OPCML: variants seen among roughly 807,000 people sequenced by gnomAD.
OPCML encodes the protein opioid-binding protein/cell adhesion molecule.
In OPCML, 13 loss-of-function variants were observed where a neutral mutation model predicts 37.8. That is an observed-to-expected ratio of 0.34 (90% CI 0.22 to 0.55). The LOEUF (loss-of-function observed/expected upper bound fraction) is 0.55. Among genes scored for constraint, OPCML ranks in the 20% least tolerant of loss-of-function variants. The probability of loss-of-function intolerance (pLI) is 0.91; values close to 1 mark genes in which losing one functional copy is unlikely to be tolerated. For missense variants in OPCML, 341 were observed against 435.6 expected, an observed-to-expected ratio of 0.78 and a Z score of 1.93; for synonymous variants, 176 against 168.8, an observed-to-expected ratio of 1.04 and a Z score of -0.33.
rs1319435935 is a variant in OPCML at position 132,459,550 on chromosome 11, TAG to T, written c.506-22193_506-22192del. On this transcript the variant is annotated intron_variant, in intron 4 of 7. Transcript: ENST00000524381. ...ACACACATATACATATATATATAGA[TAG>T]AGAGAGAGAAAGAGAGAGAGAGAGA... 2.0e-5 allele frequency among the ~76,000 whole-genome samples: 3 copies of T among 148,610 alleles called. No individual in the cohort carries two copies. The East Asian group carries it at 5.9e-4, about 29-fold the overall frequency.
intron 2 of OPCML, among the ~76,000 whole-genome samples, chr11:132,722,255 T>TA: frequency 7.9e-6 from 1 of 125,824 alleles, no homozygotes; most frequent in Non-Finnish European, 1.7e-5. Context: ...ACGTCCGGCC[T>TA]ATTTTTTTTT....
At chr11:132,819,825 A>G (rs1370145412) in intron 2 of OPCML, among the ~76,000 whole-genome samples, 1 of 152,164 alleles carries the variant, frequency 6.6e-6, no homozygotes, top group Non-Finnish European at 1.5e-5. Context: ...CAGATAACCA[A>G]CCAAACAGCT....
chr11:132,437,992 T>C (rs1302291136), intron 4 of OPCML, among the ~76,000 whole-genome samples: 2 of 152,224 alleles, frequency 1.3e-5, no homozygotes, highest in Admixed American at 6.5e-5. Flanking sequence ...CCAACACAAA[T>C]GTGATAGCCC....
chr11:133,448,311 G>T (rs1049267628), intron 1 of OPCML, among the ~76,000 whole-genome samples: 1 of 152,080 alleles, frequency 6.6e-6, no homozygotes, highest in Non-Finnish European at 1.5e-5. Flanking sequence ...CCATTAAATT[G>T]CCTTGGTACC....
intron 2 of OPCML, among the ~76,000 whole-genome samples, chr11:132,696,950 C>T (rs1304198789): frequency 6.6e-6 from 1 of 152,064 alleles, no homozygotes; most frequent in Admixed American, 6.6e-5. Context: ...AATTTCCAAA[C>T]ACTAAGAATA....
intron 1 of OPCML, among the ~76,000 whole-genome samples, chr11:133,222,591 C>T (rs1242904467): frequency 6.6e-6 from 1 of 152,200 alleles, no homozygotes; most frequent in East Asian, 1.9e-4. Context: ...AGGATATAAA[C>T]ACCAGCCCAG....
At chr11:133,333,496 A>G (rs1943672658) in intron 1 of OPCML, among the ~76,000 whole-genome samples, 1 of 152,240 alleles carries the variant, frequency 6.6e-6, no homozygotes, top group African/African-American at 2.4e-5. Flanking sequence ...AATCAACTCA[A>G]GATGAATTAA....
intron 1 of OPCML, among the ~76,000 whole-genome samples, chr11:133,080,736 CT>C (rs2137029876): frequency 6.6e-6 from 1 of 152,280 alleles, no homozygotes; most frequent in East Asian, 1.9e-4. Flanking sequence ...AGTATAAAAG[CT>C]CTTGTCGCTA....
Position 133,408,208 on chromosome 11 carries a change from T to C in OPCML, c.61+124056A>G, listed in dbSNP as rs116291777. On this transcript the variant is annotated intron_variant, in intron 1 of 7. Transcript: ENST00000524381. ...ATCCAAAACAGTTCTACTATTAAAC[T>C]TTGAGATGCGTGTGAGCATATACAT... is the stretch of plus-strand genomic sequence containing the variant. 5.5e-3 allele frequency among the ~76,000 whole-genome samples: 833 copies of C among 152,306 alleles called. 11 individuals are homozygous for C. The highest frequency in any genetic ancestry group is 0.019 in the African/African-American group (799 of 41,560).
intron 1 of OPCML, among the ~76,000 whole-genome samples, chr11:133,055,841 G>A (rs201910447): frequency 1.6e-4 from 24 of 147,024 alleles, no homozygotes; most frequent in East Asian, 4.1e-4. Flanking sequence ...TGAGGGAGCC[G>A]CCTCTACCGT....
At chr11:132,578,833 C>A (rs552866279) in intron 3 of OPCML, among the ~76,000 whole-genome samples, 1 of 152,200 alleles carries the variant, frequency 6.6e-6, no homozygotes, top group Admixed American at 6.5e-5. Context: ...CAAGAACTGA[C>A]AACAATTGAT....
chr11:133,281,676 G>T (rs1942162480), intron 1 of OPCML, among the ~76,000 whole-genome samples: 1 of 151,822 alleles, frequency 6.6e-6, no homozygotes. Context: ...AGTGTAGAGG[G>T]CTCAGAAGAA....
chr11:132,515,641 T>C (rs1477660830), intron 4 of OPCML, among the ~76,000 whole-genome samples: 1 of 152,210 alleles, frequency 6.6e-6, no homozygotes, highest in Non-Finnish European at 1.5e-5. Flanking sequence ...CCACTCTAGT[T>C]AAAATCCTCT....
At chr11:132,600,975 G>A (rs1937841271) in intron 3 of OPCML, among the ~76,000 whole-genome samples, 1 of 150,504 alleles carries the variant, frequency 6.6e-6, no homozygotes, top group Non-Finnish European at 1.5e-5. Context: ...ACAGGCGTAA[G>A]CCACTGTGCC....
At chr11:132,694,720 G>A (rs887359966) in intron 2 of OPCML, among the ~76,000 whole-genome samples, 29 of 152,278 alleles carry the variant, frequency 1.9e-4, no homozygotes, top group African/African-American at 6.0e-4. Flanking sequence ...TGCAGCCAGA[G>A]GTGACCACGT....
At chr11:132,420,483 G>GACCAATGC in intron 7 of OPCML, 190 bp from the exon 8 acceptor site, 1 of 677,120 alleles carries the variant, frequency 1.5e-6, no homozygotes, top group Non-Finnish European at 1.8e-6. Flanking sequence ...GGGATGCCTT[G>GACCAATGC]ACCAATGCAG....
At chr11:132,776,949 C>G (rs56946580) in intron 2 of OPCML, among the ~76,000 whole-genome samples, 6,364 of 152,136 alleles carry the variant, frequency 0.042, 380 homozygotes, top group African/African-American at 0.13. Flanking sequence ...TTAGCCCCAT[C>G]ATCACCAAAG....
chr11:132,641,918 G>A (rs572400359), intron 3 of OPCML, among the ~76,000 whole-genome samples: 11 of 152,142 alleles, frequency 7.2e-5, no homozygotes, highest in Admixed American at 1.3e-4. Flanking sequence ...GGCTCACATC[G>A]GCAGGGTGTT....
chr11:133,460,926 T>G (rs1946843964), intron 1 of OPCML, among the ~76,000 whole-genome samples: 1 of 151,824 alleles, frequency 6.6e-6, no homozygotes, highest in South Asian at 2.1e-4. Context: ...TTTTATACAT[T>G]GAGAAGAAAG....
Sources: allele counts gnomAD v4.1 joint callset (sites outside exome capture counted in the v4.1 genomes callset), GRCh38; gene constraint gnomAD v4.1.1; transcripts MANE v1.5; gene names NCBI Gene and HGNC (gene_info 2026-07-23, HGNC 2026-07-21).